GORAB: variants seen among roughly 807,000 people sequenced by gnomAD.
GORAB encodes golgin, RAB6 interacting.
In GORAB, 17 loss-of-function variants were observed where a neutral mutation model predicts 29.9. The ratio of observed to expected loss-of-function variants is 0.57; its 90% CI spans 0.39 to 0.85. The LOEUF (loss-of-function observed/expected upper bound fraction) is 0.85. GORAB is among the 40% of genes least tolerant of loss of function. GORAB has a pLI of 0.00. For missense variants in GORAB, 442 were observed against 437.8 expected (o/e 1.01, Z -0.09); for synonymous variants, 183 against 157.2 (o/e 1.16, Z -1.23).
At chr1:170,544,396 A>G (rs958439493) in intron 3 of GORAB, among the ~76,000 whole-genome samples, 1 of 152,198 alleles carries the variant, frequency 6.6e-6, no homozygotes, top group African/African-American at 2.4e-5. Context: ...GAATGTTTCA[A>G]TGTAAAGGGA....
chr1:170,542,585 G>A lies in GORAB; in HGVS notation c.514G>A (p.Ala172Thr). 1.2e-6 allele frequency: 2 copies of A among 1,609,462 alleles called. No individual in the cohort carries two copies. Among genetic ancestry groups the A allele is most frequent in the South Asian group, 1.1e-5 (1 of 90,968 alleles). The change falls in exon 3 of 5, where the codon GCA becomes ACA. Residue 172 changes from alanine (A) to threonine (T), a missense_variant. Ala to Thr is a moderately conservative substitution (Grantham distance 58). Transcript: ENST00000367763. ...AAAAGCTCTTTTGGCTAAAGCTATTGCAGAAAGGTGAGGCACCTGAACCAG... is the reference window on the plus strand; with the variant it reads ...AAAAGCTCTTTTGGCTAAAGCTATTACAGAAAGGTGAGGCACCTGAACCAG... ...RKKALLAKAI[A>T]ERSKRTQAET...
chr1:170,532,615 C>G (rs1280082476), intron 1 of GORAB: 2 of 338,252 alleles, frequency 5.9e-6, no homozygotes, highest in Non-Finnish European at 1.1e-5. Flanking sequence ...CTGCAGGAAT[C>G]AACGGTTGGA....
intron 2 of GORAB, 154 bp downstream of exon 2, chr1:170,539,721 A>G: frequency 3.9e-6 from 3 of 769,756 alleles, no homozygotes; most frequent in South Asian, 1.9e-5. Flanking sequence ...ATTGAAAAAT[A>G]GCTACTGCCT....
At position 170,552,092 on chromosome 1, in the gene GORAB, A is replaced by G; in HGVS notation, c.740A>G (p.Gln247Arg). The change falls in exon 5 of 5, where the codon CAA (glutamine) becomes CGA (arginine). Residue 247 changes from glutamine (Q) to arginine (R), a missense_variant. By Grantham distance (43) the Gln-to-Arg change is conservative. Coordinates refer to ENST00000367763, the MANE Select transcript of GORAB (RefSeq NM_152281.3). ...DIQRKTEIKEQLTEHLCTIIQ... is the reference protein window; with the variant it reads ...DIQRKTEIKERLTEHLCTIIQ... ...CAGCGCAAGACTGAGATAAAAGAGCAACTCACTGAACACCTTTGTACGATC... is the reference window on the plus strand; with the variant it reads ...CAGCGCAAGACTGAGATAAAAGAGCGACTCACTGAACACCTTTGTACGATC... 1 of 1,614,116 alleles carries G rather than the reference A, an allele frequency of 6.2e-7. No homozygotes were observed.
At position 170,552,377 on chromosome 1, in the gene GORAB, G is replaced by A. The variant is rs777404843; in HGVS notation, c.1025G>A (p.Cys342Tyr). 7.4e-6 allele frequency: 12 copies of A among 1,614,136 alleles called. No individual in the cohort carries two copies. The highest frequency in any genetic ancestry group is 1.0e-5 in the Non-Finnish European group (12 of 1,179,974). ...GTTTCCCCAAAGGTAGATGACCAGT[G>A]TGGAAATTCCAGTAGCATCCCCTTT... The part of the protein sequence containing the change: ...QAVSPKVDDQ[C>Y]GNSSSIPFLS... The change falls in exon 5 of 5, where the codon TGT (cysteine) becomes TAT (tyrosine). Residue 342 changes from cysteine (C) to tyrosine (Y), a missense_variant. Physicochemically the swap from Cys to Tyr is radical, Grantham distance 194. Coordinates refer to ENST00000367763, the MANE Select transcript of GORAB (RefSeq NM_152281.3).
At chr1:170,551,955 CTT>C in intron 4 of GORAB, 58 bp from the exon 5 acceptor site, 1 of 1,449,018 alleles carries the variant, frequency 6.9e-7, no homozygotes, top group Non-Finnish European at 9.6e-7. Flanking sequence ...TCTAGATCCT[CTT>C]TTGAATATCT....
chr1:170,550,859 T>C (rs1650058543), intron 4 of GORAB, among the ~76,000 whole-genome samples: 1 of 152,140 alleles, frequency 6.6e-6, no homozygotes, highest in Admixed American at 6.5e-5. Context: ...GACCCTCTTG[T>C]TGCAAAAAGA....
chr1:170,542,860 A>G (rs1005338377), intron 3 of GORAB, among the ~76,000 whole-genome samples: 1 of 152,124 alleles, frequency 6.6e-6, no homozygotes, highest in African/African-American at 2.4e-5. Flanking sequence ...AGTTTTAACC[A>G]TCTACACATT....
chr1:170,536,380 A>G (rs1476868960), intron 1 of GORAB: 1 of 152,208 alleles, frequency 6.6e-6, no homozygotes, highest in East Asian at 1.9e-4. Context: ...GATGCTCATC[A>G]CCACCAAGGA....
intron 1 of GORAB, 137 bp from the exon 2 acceptor site, chr1:170,539,073 A>G (rs943244582): frequency 1.9e-6 from 2 of 1,043,496 alleles, no homozygotes; most frequent in Non-Finnish European, 2.8e-6. Context: ...TTTTTCCCCT[A>G]GACTTTCAAG....
At chr1:170,539,189 C>G in intron 1 of GORAB, 21 bp from the exon 2 acceptor site, 1 of 1,613,720 alleles carries the variant, frequency 6.2e-7, no homozygotes, top group Non-Finnish European at 8.5e-7. Context: ...AAGGAATTTT[C>G]CTCTATTTTC....
chr1:170,539,586 A>G lies in GORAB; in HGVS notation c.419+19A>G. On this transcript the variant is annotated intron_variant, in intron 2 of 4. Coordinates refer to ENST00000367763, the MANE Select transcript of GORAB (RefSeq NM_152281.3). ...TGGAATTGTTAGTAAGTCTATGTGA[A>G]AAGTCCATGAGACTTTTCATTTAAC... 1.2e-6 allele frequency: 2 copies of G among 1,612,484 alleles called. No individual in the cohort carries two copies. Among genetic ancestry groups the G allele is most frequent in the Non-Finnish European group, 1.7e-6 (2 of 1,179,730 alleles).
At position 170,552,705 on chromosome 1, in the gene GORAB, C is replaced by T. The variant is rs1650205165; in HGVS notation, c.*243C>T. On this transcript the variant is annotated 3_prime_UTR_variant, in exon 5 of 5. Transcript: ENST00000367763. ...TTCAGTGTTCCGTTTACCCTTTTTA[C>T]TGAAAGTAAGTGACTTAAAAGGATG... 1 of 552,082 alleles carries T rather than the reference C, an allele frequency of 1.8e-6. No individual in the cohort carries two copies. Among genetic ancestry groups the T allele is most frequent in the African/African-American group, 1.9e-5 (1 of 53,482 alleles). The allele number at this position is 552,082 out of a possible 1,614,324, so 34.2% of individuals were successfully genotyped here.
chr1:170,544,167 G>A (rs922524896), intron 3 of GORAB, among the ~76,000 whole-genome samples: 4 of 152,242 alleles, frequency 2.6e-5, no homozygotes, highest in Middle Eastern at 3.4e-3. Context: ...AAGAATTTTC[G>A]TAACTAGTAG....
At chr1:170,542,426 G>T (rs1001644265) in intron 2 of GORAB, 65 bp from the exon 3 acceptor site, 3 of 920,588 alleles carry the variant, frequency 3.3e-6, no homozygotes, top group Non-Finnish European at 5.4e-6. Context: ...CTGGTAAGGT[G>T]TTGGATAGGG....
chr1:170,542,439 G>A (rs1292460982), intron 2 of GORAB, 52 bp from the exon 3 acceptor site: 10 of 1,029,086 alleles, frequency 9.7e-6, no homozygotes, highest in East Asian at 2.4e-5. Context: ...GGATAGGGTA[G>A]CAGTTTCTTT....
Position 170,539,535 on chromosome 1 carries a change from A to G in GORAB, c.387A>G (p.Pro129=). ...ATGTTGAGATTCTACCTCCAAAGCC[A>G]GATTGCAAATTGGAGAAAAAGAAAG... ...HNNVEILPPK[P]DCKLEKKKVE... The change falls in exon 2 of 5, where the codon CCA becomes CCG. Residue 129 remains proline, a synonymous_variant. Coordinates refer to ENST00000367763, the MANE Select transcript of GORAB (RefSeq NM_152281.3). 6.2e-7 allele frequency: 1 copy of G among 1,614,064 alleles called. No homozygotes were observed. Among genetic ancestry groups the G allele is most frequent in the South Asian group, 1.1e-5 (1 of 91,078 alleles).
At chr1:170,539,025 G>T in intron 1 of GORAB, 185 bp from the exon 2 acceptor site, 1 of 665,226 alleles carries the variant, frequency 1.5e-6, no homozygotes, top group Non-Finnish European at 2.5e-6. Context: ...TTAACATTAT[G>T]ATCTGAAAAC....
intron 3 of GORAB, 46 bp downstream of exon 3, chr1:170,542,638 T>G (rs1185725912): frequency 8.5e-7 from 1 of 1,170,336 alleles, no homozygotes; most frequent in Non-Finnish European, 1.3e-6. Context: ...CTGTAACCAG[T>G]TGTGTCATGT....
Sources: gnomAD v4.1 joint callset for allele counts (sites outside exome capture counted in the v4.1 genomes callset) on GRCh38, gnomAD v4.1.1 for gene constraint, MANE v1.5 for transcripts, NCBI Gene and HGNC (gene_info 2026-07-23, HGNC 2026-07-21) for gene names.